The following CAPN5 variants were observed in gnomAD, a reference collection of about 807,000 sequenced individuals.
CAPN5 encodes calpain-5.
Under a neutral mutation model 73.0 loss-of-function variants are expected in CAPN5, and 54 were observed. The observed-to-expected ratio is 0.74, with a 90% CI of 0.59 to 0.93. The LOEUF is 0.93. Among genes scored for constraint, CAPN5 ranks in the 40% least tolerant of loss-of-function variants. The probability of loss-of-function intolerance (pLI) is 0.00; values close to 1 mark genes in which losing one functional copy is unlikely to be tolerated. For missense variants in CAPN5, 785 were observed against 882.9 expected (o/e 0.89, Z 1.41); for synonymous variants, 335 against 356.9 (o/e 0.94, Z 0.69).
rs1188814001 is a variant in CAPN5, at chr11:77,125,215, G to A, written c.*1345G>A. ...CAAGAACAGGAATCCCTGTGTCCTT[G>A]CTGGGATTTCCTTTTGGGAACCTGA... On this transcript the variant is annotated 3_prime_UTR_variant, in exon 13 of 13. Transcript: ENST00000648180. 6.6e-6 allele frequency: 1 copy of A among 152,582 alleles called. No homozygotes were observed. Among genetic ancestry groups the A allele is most frequent in the Non-Finnish European group, 1.5e-5 (1 of 68,042 alleles). The allele number at this position is 152,582 out of a possible 1,614,324, so 9.5% of individuals were successfully genotyped here. A position where few individuals can be genotyped will look rare whatever the true frequency, so the allele number is the denominator to read the frequency against.
intron 3 of CAPN5, among the ~76,000 whole-genome samples, chr11:77,105,331 C>T (rs1393633553): frequency 1.3e-5 from 2 of 152,096 alleles, no homozygotes; most frequent in East Asian, 1.9e-4. Context: ...AAGGAGGAGG[C>T]CTGGAATAAT....
intron 3 of CAPN5, among the ~76,000 whole-genome samples, chr11:77,106,754 C>T (rs1358678333): frequency 6.6e-6 from 1 of 152,224 alleles, no homozygotes; most frequent in Non-Finnish European, 1.5e-5. Context: ...CTCAGTTATC[C>T]GTGGGTGGGG....
intron 2 of CAPN5, among the ~76,000 whole-genome samples, chr11:77,092,922 G>A (rs932266650): frequency 5.3e-5 from 8 of 152,224 alleles, no homozygotes; most frequent in Non-Finnish European, 1.2e-4. Flanking sequence ...AGCTGAGGTT[G>A]CACTACTGCA....
chr11:77,098,870 G>T (rs1555038143), intron 3 of CAPN5, among the ~76,000 whole-genome samples: 1 of 135,862 alleles, frequency 7.4e-6, no homozygotes, highest in Admixed American at 7.2e-5. Context: ...GCTGCTGGGC[G>T]GAGACGCTCC....
At chr11:77,095,877 G>A (rs1950204204) in intron 3 of CAPN5, among the ~76,000 whole-genome samples, 1 of 152,208 alleles carries the variant, frequency 6.6e-6, no homozygotes, top group African/African-American at 2.4e-5. Context: ...GCTGGTCTGG[G>A]AGGCTGCCAG....
chr11:77,103,848 C>T (rs782614396), intron 3 of CAPN5, among the ~76,000 whole-genome samples: 4 of 152,206 alleles, frequency 2.6e-5, no homozygotes, highest in East Asian at 1.9e-4. Flanking sequence ...TCCCATAACA[C>T]GTCGACAACC....
chr11:77,076,766 T>C (rs981963505), intron 1 of CAPN5, among the ~76,000 whole-genome samples: 1 of 152,254 alleles, frequency 6.6e-6, no homozygotes, highest in Non-Finnish European at 1.5e-5. Context: ...CATTCATCCA[T>C]TGATGGACTC....
chr11:77,119,061 A>C lies in CAPN5; in HGVS notation c.1199A>C (p.Glu400Ala), dbSNP rs782642798. Residue 400 changes from glutamate (E) to alanine (A), a missense_variant, in exon 9 of 13, where the codon GAA (glutamate) becomes GCA (alanine). Transcript: ENST00000648180. ...YIFEVKKPED[E>A]VLICIQQRPK... is the part of the protein sequence containing the mutation. ...TTCGAAGTCAAGAAGCCAGAAGATG[A>C]AGTCCTGATCTGCATCCAGCAGCGG... is the stretch of plus-strand genomic sequence containing the variant. The C allele has an allele frequency of 1.9e-5, 31 of 1,613,920 alleles. 1 individual carries two copies. The Admixed American group carries it at 2.3e-4, about 12-fold the overall frequency.
At chr11:77,068,500 A>G (rs150416066) in intron 1 of CAPN5, among the ~76,000 whole-genome samples, 3 of 152,134 alleles carry the variant, frequency 2.0e-5, no homozygotes, top group African/African-American at 7.2e-5. Context: ...AAGAAAAGGC[A>G]GGTCATTGCA....
chr11:77,068,194 G>A (rs1295850160), intron 1 of CAPN5, among the ~76,000 whole-genome samples: 1 of 152,140 alleles, frequency 6.6e-6, no homozygotes, highest in Non-Finnish European at 1.5e-5. Context: ...CTGTCCCCAG[G>A]GTCTGGGGGT....
chr11:77,108,876 C>T (rs1249833618), intron 3 of CAPN5, among the ~76,000 whole-genome samples: 1 of 152,144 alleles, frequency 6.6e-6, no homozygotes, highest in Non-Finnish European at 1.5e-5. Flanking sequence ...AAACAGAAGT[C>T]CATAATTGCA....
chr11:77,088,005 G>A, intron 2 of CAPN5: 1 of 1,536,002 alleles, frequency 6.5e-7, no homozygotes. Context: ...AATGGAGAAT[G>A]TCCCCAGGCC....
chr11:77,089,962 C>T lies in CAPN5; in HGVS notation c.166-3720C>T, dbSNP rs1051155651. ...GACTGCCTGAATTTGAATCTCATTTCACCTCTTCTTGTGTGGCCCTGGGCA... is the reference window on the plus strand; with the variant it reads ...GACTGCCTGAATTTGAATCTCATTTTACCTCTTCTTGTGTGGCCCTGGGCA... On this transcript the variant is annotated intron_variant, in intron 2 of 12. Transcript: ENST00000648180. Among the ~76,000 whole-genome samples the T allele has an allele frequency of 3.9e-5, 6 of 152,320 alleles. No homozygotes were observed. The East Asian group carries it at 1.2e-3, about 29-fold the overall frequency.
intron 6 of CAPN5, 54 bp downstream of exon 6, chr11:77,115,642 CG>C (rs1950460138): frequency 6.8e-7 from 1 of 1,476,308 alleles, no homozygotes; most frequent in Non-Finnish European, 9.3e-7. Flanking sequence ...TGGACAAGGA[CG>C]GGTGGGCTTC....
chr11:77,122,425 T>C, intron 11 of CAPN5, 151 bp from the exon 12 acceptor site: 1 of 670,762 alleles, frequency 1.5e-6, no homozygotes, highest in Non-Finnish European at 2.6e-6. Flanking sequence ...GGCCGGCCTG[T>C]CTCTGGAAAC....
chr11:77,095,125 C>T (rs1020715944), intron 3 of CAPN5, among the ~76,000 whole-genome samples: 5 of 152,188 alleles, frequency 3.3e-5, no homozygotes, highest in Admixed American at 6.5e-5. Context: ...ATGGTTGCGG[C>T]GTGTGGATGT....
chr11:77,088,095 A>T, intron 2 of CAPN5: 1 of 1,508,712 alleles, frequency 6.6e-7, no homozygotes, highest in Non-Finnish European at 8.8e-7. Flanking sequence ...TGGGGGCAAC[A>T]TCCCCTCATC....
chr11:77,093,493 T>TG lies in CAPN5; in HGVS notation c.166-183dup, dbSNP rs1415333142. On this transcript the variant is annotated intron_variant, in intron 2 of 12. Transcript: ENST00000648180. ...GGGCATCCCAGGCAGGACCGCGGGG[T>TG]GGGGGGCAAGCGGGGAGCAGATGGG... Among the ~76,000 whole-genome samples, 8 of 151,530 alleles carry TG rather than the reference T, an allele frequency of 5.3e-5. No individual in the cohort carries two copies. In the East Asian group the frequency reaches 1.6e-3, roughly 29 times the overall value.
rs1950556644 is a variant in CAPN5, at chr11:77,124,837, C to T, written c.*967C>T. ...TGTGGTGCTCACCAGAGTCAGGCCA[C>T]CCACTGGGCTCGGCAGGAGATAGGG... On this transcript the variant is annotated 3_prime_UTR_variant, in exon 13 of 13. Transcript: ENST00000648180. 6.6e-6 allele frequency: 1 copy of T among 152,284 alleles called. No homozygotes were observed. The highest frequency in any genetic ancestry group is 2.1e-4 in the South Asian group (1 of 4,822). The allele number at this position is 152,284 out of a possible 1,614,324, so 9.4% of individuals were successfully genotyped here. A position where few individuals can be genotyped will look rare whatever the true frequency, so the allele number is the denominator to read the frequency against.
Sources: allele counts gnomAD v4.1 joint callset (sites outside exome capture counted in the v4.1 genomes callset), GRCh38; gene constraint gnomAD v4.1.1; transcripts MANE v1.5; gene names NCBI Gene and HGNC (gene_info 2026-07-23, HGNC 2026-07-21).